The following GFRA1 variants were observed in gnomAD, a reference collection of about 807,000 sequenced individuals.
GFRA1 encodes GDNF family receptor alpha 1.
Under a neutral mutation model 51.6 loss-of-function variants are expected in GFRA1, and 16 were observed. The observed-to-expected ratio is 0.31, with a 90% CI of 0.21 to 0.47. The LOEUF is 0.47. Among genes scored for constraint, GFRA1 ranks in the 20% least tolerant of loss-of-function variants. The pLI, the probability that GFRA1 is intolerant of heterozygous loss-of-function variation, is 1.00. For synonymous variants in GFRA1, 270 were observed against 241.3 expected (o/e 1.12, Z -1.10); for missense variants, 530 against 594.3 (o/e 0.89, Z 1.13).
At chr10:116,193,671 T>G (rs1350373593) in intron 5 of GFRA1, among the ~76,000 whole-genome samples, 2 of 152,164 alleles carry the variant, frequency 1.3e-5, no homozygotes, top group Non-Finnish European at 1.5e-5. Context: ...GGAGGTATTC[T>G]TGCATTTAGA....
In GFRA1 at chr10:116,064,383, A is replaced by G; in HGVS notation, c.*15T>C. On this transcript the variant is annotated 3_prime_UTR_variant, in exon 11 of 11. Transcript: ENST00000355422. ...TTGTCTTTTTACATGTCCATATTGT[A>G]TTTTTTTAATGCAGCTATGATGTTT... The G allele has an allele frequency of 6.2e-7, 1 of 1,609,406 alleles. No individual in the cohort carries two copies. Among genetic ancestry groups the G allele is most frequent in the Non-Finnish European group, 8.5e-7 (1 of 1,177,626 alleles).
At chr10:116,154,353 G>A (rs1959166055) in intron 5 of GFRA1, among the ~76,000 whole-genome samples, 1 of 152,170 alleles carries the variant, frequency 6.6e-6, no homozygotes, top group Non-Finnish European at 1.5e-5. Context: ...CTGCAATGTA[G>A]TCATACGATA....
chr10:116,211,290 T>C (rs1043151461), intron 5 of GFRA1, among the ~76,000 whole-genome samples: 2 of 152,178 alleles, frequency 1.3e-5, no homozygotes, highest in Non-Finnish European at 2.9e-5. Context: ...GACAGTGGCC[T>C]TCCCCCAGAC....
At chr10:116,088,883 T>C (rs908640293) in intron 9 of GFRA1, among the ~76,000 whole-genome samples, 1 of 117,932 alleles carries the variant, frequency 8.5e-6, no homozygotes, top group Non-Finnish European at 1.6e-5. Context: ...ATTGCACCAC[T>C]GCACTCCAGC....
intron 4 of GFRA1, among the ~76,000 whole-genome samples, chr10:116,245,073 A>C (rs753525067): frequency 2.6e-5 from 4 of 152,204 alleles, no homozygotes; most frequent in Non-Finnish European, 5.9e-5. Context: ...GCTAAAAGAA[A>C]ATAATTGCCA....
intron 5 of GFRA1, among the ~76,000 whole-genome samples, chr10:116,174,921 C>A (rs1961432520): frequency 6.6e-6 from 1 of 152,144 alleles, no homozygotes; most frequent in African/African-American, 2.4e-5. Flanking sequence ...AAGATTTGCA[C>A]CACCGTTCCT....
At chr10:116,179,084 C>T (rs887146285) in intron 5 of GFRA1, among the ~76,000 whole-genome samples, 1 of 152,138 alleles carries the variant, frequency 6.6e-6, no homozygotes, top group African/African-American at 2.4e-5. Flanking sequence ...CTGGCCAGCC[C>T]CTCAGCAACG....
At chr10:116,161,089 T>C (rs1240052677) in intron 5 of GFRA1, among the ~76,000 whole-genome samples, 1 of 151,772 alleles carries the variant, frequency 6.6e-6, no homozygotes. Context: ...GAAAACAGAG[T>C]TGGGATGCCA....
intron 5 of GFRA1, among the ~76,000 whole-genome samples, chr10:116,149,164 A>T (rs575073575): frequency 1.3e-5 from 2 of 152,332 alleles, no homozygotes; most frequent in South Asian, 4.1e-4. Flanking sequence ...ATTATTGAGG[A>T]TCTCAACATG....
intron 5 of GFRA1, among the ~76,000 whole-genome samples, chr10:116,193,598 CT>C (rs1172162161): frequency 1.3e-5 from 2 of 152,154 alleles, no homozygotes; most frequent in Non-Finnish European, 2.9e-5. Context: ...TGGGGAAATT[CT>C]GTGTCCTGTT....
chr10:116,115,580 G>A (rs1368403248), intron 6 of GFRA1, among the ~76,000 whole-genome samples: 1 of 152,110 alleles, frequency 6.6e-6, no homozygotes. Context: ...AATACAGCCA[G>A]CCTGTAACTA....
At chr10:116,200,932 T>G (rs1185774513) in intron 5 of GFRA1, among the ~76,000 whole-genome samples, 1 of 152,202 alleles carries the variant, frequency 6.6e-6, no homozygotes, top group African/African-American at 2.4e-5. Flanking sequence ...TGGCACACAG[T>G]AAGTCAGTTA....
At chr10:116,216,996 A>G (rs948705780) in intron 4 of GFRA1, among the ~76,000 whole-genome samples, 1 of 152,220 alleles carries the variant, frequency 6.6e-6, no homozygotes, top group Non-Finnish European at 1.5e-5. Context: ...CAGTCGGTAC[A>G]TTTCTTCTGC....
chr10:116,164,036 G>A (rs1249892823), intron 5 of GFRA1, among the ~76,000 whole-genome samples: 1 of 152,132 alleles, frequency 6.6e-6, no homozygotes, highest in African/African-American at 2.4e-5. Flanking sequence ...GAAGAGGCCT[G>A]TGGCAGCAGG....
At position 116,107,828 on chromosome 10, in the gene GFRA1, T is replaced by G. The variant is rs897539216; in HGVS notation, c.771-11064A>C. On this transcript the variant is annotated intron_variant, in intron 6 of 10. Transcript: ENST00000355422. ...TATAGAAATTATCCCTAATGCTACC[T>G]GGTCTTCCTCAGTCAAACTTTGCTT... is the stretch of plus-strand genomic sequence containing the variant. Among the ~76,000 whole-genome samples, 22 of 152,364 alleles carry G rather than the reference T, an allele frequency of 1.4e-4. 1 individual carries two copies. The highest frequency in any genetic ancestry group is 1.3e-3 in the Admixed American group (20 of 15,308).
At chr10:116,199,281 CCTT>C (rs1210068630) in intron 5 of GFRA1, among the ~76,000 whole-genome samples, 3 of 152,186 alleles carry the variant, frequency 2.0e-5, no homozygotes, top group Non-Finnish European at 4.4e-5. Flanking sequence ...TGGCCCTAAG[CCTT>C]CTTCTCACCT....
intron 5 of GFRA1, among the ~76,000 whole-genome samples, chr10:116,146,883 T>A (rs2134117276): frequency 6.6e-6 from 1 of 152,254 alleles, no homozygotes; most frequent in Admixed American, 6.5e-5. Flanking sequence ...AAACATATAT[T>A]CATGTAAATG....
intron 6 of GFRA1, among the ~76,000 whole-genome samples, chr10:116,118,844 C>A (rs1053047199): frequency 6.6e-6 from 1 of 152,098 alleles, no homozygotes; most frequent in African/African-American, 2.4e-5. Flanking sequence ...CTGAGGAAAA[C>A]GAGGCAGAGA....
In GFRA1 at chr10:116,061,371, T is replaced by C. The variant is rs889548772; in HGVS notation, c.*3027A>G. 2 of 151,862 alleles carry C rather than the reference T, an allele frequency of 1.3e-5. No individual in the cohort carries two copies. The highest frequency in any genetic ancestry group is 4.8e-5 in the African/African-American group (2 of 41,304). 9.4% of individuals were successfully genotyped at this position (151,862 alleles called of 1,614,324 possible). On this transcript the variant is annotated 3_prime_UTR_variant, in exon 11 of 11. Coordinates refer to ENST00000355422, the MANE Select transcript of GFRA1 (RefSeq NM_005264.8). The stretch of plus-strand genomic sequence containing the variant: ...TTTTTTATTACAGACTTGAAAAAAA[T>C]CAGGTATGGAAAAATAAATATGTAA...
Sources: gnomAD v4.1 joint callset for allele counts (sites outside exome capture counted in the v4.1 genomes callset) on GRCh38, gnomAD v4.1.1 for gene constraint, MANE v1.5 for transcripts, NCBI Gene and HGNC (gene_info 2026-07-23, HGNC 2026-07-21) for gene names.